Variants in ANTXR1 observed in about 807,000 individuals in gnomAD.
ANTXR1 encodes anthrax toxin receptor 1.
In ANTXR1, 19 loss-of-function variants were observed where a neutral mutation model predicts 78.1. The ratio of observed to expected loss-of-function variants is 0.24; its 90% confidence interval spans 0.17 to 0.36. The LOEUF is 0.36. Among genes scored for constraint, ANTXR1 ranks in the 10% least tolerant of loss-of-function variants. The pLI is 1.00. For synonymous variants in ANTXR1, 273 were observed against 260.5 expected (o/e 1.05, Z -0.46); for missense variants, 518 against 718.6 (o/e 0.72, Z 3.19).
chr2:69,082,433 A>AACACTGTC (rs1670924937), intron 8 of ANTXR1, among the ~76,000 whole-genome samples: 1 of 152,066 alleles, frequency 6.6e-6, no homozygotes, highest in Non-Finnish European at 1.5e-5. Context: ...GTAACACTGT[A>AACACTGTC]AAGGAAGAAA....
chr2:69,073,491 T>C (rs1285805245), intron 6 of ANTXR1, among the ~76,000 whole-genome samples: 1 of 152,206 alleles, frequency 6.6e-6, no homozygotes, highest in African/African-American at 2.4e-5. Context: ...TTACTTGAAA[T>C]ATGTAAGAGC....
chr2:69,124,461 G>C, intron 11 of ANTXR1, 104 bp from the exon 12 acceptor site: 1 of 983,472 alleles, frequency 1.0e-6, no homozygotes, highest in Non-Finnish European at 1.6e-6. Flanking sequence ...CCAGTCTCAA[G>C]GGTATTTAAG....
rs1282354710 is a variant in ANTXR1, at chr2:69,249,154, T to A, written c.*3669T>A. On this transcript the variant is annotated 3_prime_UTR_variant, in exon 18 of 18. Coordinates refer to ENST00000303714, the MANE Select transcript of ANTXR1 (RefSeq NM_032208.3). ...GAAGTTGCTTTTTTTAAAAAAATAA[T>A]AAATTTCTTAAATCAACTCTTTTTT... 1 of 152,092 alleles carries A rather than the reference T, an allele frequency of 6.6e-6. No individual in the cohort carries two copies. Among genetic ancestry groups the A allele is most frequent in the Non-Finnish European group, 1.5e-5 (1 of 68,008 alleles). The allele number at this position is 152,092 out of a possible 1,614,324, so 9.4% of individuals were successfully genotyped here.
intron 14 of ANTXR1, among the ~76,000 whole-genome samples, chr2:69,175,434 G>A (rs534715230): frequency 4.2e-5 from 6 of 143,704 alleles, no homozygotes; most frequent in South Asian, 4.2e-4. Flanking sequence ...TAGGGAGACC[G>A]CCCCCCGCCC....
At chr2:69,145,625 C>A (rs546489112) in intron 12 of ANTXR1, 19 of 1,255,704 alleles carry the variant, frequency 1.5e-5, no homozygotes, top group Admixed American at 3.6e-5. Context: ...TCACTCCATG[C>A]GGTGGGCATC....
At chr2:69,098,711 CG>C (rs1277865140) in intron 9 of ANTXR1, among the ~76,000 whole-genome samples, 1 of 152,160 alleles carries the variant, frequency 6.6e-6, no homozygotes, top group Non-Finnish European at 1.5e-5. Flanking sequence ...TCAGGCCAGG[CG>C]TGGTGGCTCA....
At chr2:69,147,987 G>A (rs1267587528) in intron 12 of ANTXR1, among the ~76,000 whole-genome samples, 1 of 152,190 alleles carries the variant, frequency 6.6e-6, no homozygotes, top group African/African-American at 2.4e-5. Context: ...AGTGACCTCG[G>A]GAAATGACAC....
At chr2:69,055,106 T>C (rs1670032199) in intron 3 of ANTXR1, among the ~76,000 whole-genome samples, 1 of 152,180 alleles carries the variant, frequency 6.6e-6, no homozygotes, top group African/African-American at 2.4e-5. Flanking sequence ...TTGTTGTTAC[T>C]ATTGTGGTTG....
intron 12 of ANTXR1, among the ~76,000 whole-genome samples, chr2:69,134,651 C>G (rs997192403): frequency 2.0e-5 from 3 of 152,170 alleles, no homozygotes; most frequent in African/African-American, 7.2e-5. Context: ...CAGTCCTATA[C>G]AGTATCACAA....
intron 12 of ANTXR1, among the ~76,000 whole-genome samples, chr2:69,149,037 T>C (rs894354437): frequency 6.6e-6 from 1 of 152,216 alleles, no homozygotes; most frequent in African/African-American, 2.4e-5. Context: ...TAGCTCTAAG[T>C]TTATCAAAAA....
At chr2:69,092,070 G>A (rs896835546) in intron 9 of ANTXR1, among the ~76,000 whole-genome samples, 2 of 152,238 alleles carry the variant, frequency 1.3e-5, no homozygotes, top group African/African-American at 4.8e-5. Context: ...CCAGAAACTT[G>A]CATCTTTCAC....
At chr2:69,083,442 C>T (rs954009770) in intron 8 of ANTXR1, among the ~76,000 whole-genome samples, 3 of 152,148 alleles carry the variant, frequency 2.0e-5, no homozygotes, top group Admixed American at 6.5e-5. Context: ...CTCTACAAAG[C>T]CTGCCCTGCT....
At chr2:69,018,351 A>C (rs1671086728) in intron 1 of ANTXR1, among the ~76,000 whole-genome samples, 3 of 152,114 alleles carry the variant, frequency 2.0e-5, no homozygotes, top group Non-Finnish European at 4.4e-5. Context: ...CACAGCACCC[A>C]CACCTGGATG....
chr2:69,016,205 A>G (rs2103977192), intron 1 of ANTXR1, among the ~76,000 whole-genome samples: 1 of 152,320 alleles, frequency 6.6e-6, no homozygotes, highest in Non-Finnish European at 1.5e-5. Flanking sequence ...CGAGCACTTG[A>G]AATGTAGTTA....
chr2:69,038,156 C>T (rs1302812445), intron 1 of ANTXR1, among the ~76,000 whole-genome samples: 1 of 152,202 alleles, frequency 6.6e-6, no homozygotes, highest in Admixed American at 6.5e-5. Context: ...TCCTCAACTA[C>T]AGCACTTTTC....
At chr2:69,083,627 G>T (rs927535067) in intron 8 of ANTXR1, among the ~76,000 whole-genome samples, 2 of 152,106 alleles carry the variant, frequency 1.3e-5, no homozygotes, top group Non-Finnish European at 1.5e-5. Context: ...ATGCAGCCCT[G>T]TGCTTTGCAT....
intron 17 of ANTXR1, among the ~76,000 whole-genome samples, chr2:69,212,529 C>T (rs978734072): frequency 6.6e-5 from 10 of 152,158 alleles, no homozygotes; most frequent in African/African-American, 2.4e-4. Context: ...GACTGTGACC[C>T]CTTAACCTAA....
At chr2:69,092,359 C>T (rs1671269101) in intron 9 of ANTXR1, among the ~76,000 whole-genome samples, 1 of 152,088 alleles carries the variant, frequency 6.6e-6, no homozygotes, top group Non-Finnish European at 1.5e-5. Flanking sequence ...AAATCGGTGC[C>T]AGCAGCAAAA....
At chr2:69,182,980 TAAAA>T in intron 16 of ANTXR1, 3 of 208,480 alleles carry the variant, frequency 1.4e-5, no homozygotes, top group South Asian at 7.3e-5. Context: ...TGTTCCATAT[TAAAA>T]AAAAAAAAAA....
Sources: allele counts gnomAD v4.1 joint callset (sites outside exome capture counted in the v4.1 genomes callset), GRCh38; gene constraint gnomAD v4.1.1; transcripts MANE v1.5; gene names NCBI Gene and HGNC (gene_info 2026-07-23, HGNC 2026-07-21).